The following CCDC57 variants were observed in gnomAD, a reference collection of about 807,000 sequenced individuals.
The protein encoded by CCDC57 is coiled-coil domain-containing protein 57.
A neutral mutation model predicts 118.9 loss-of-function variants in CCDC57; 118 were observed. The ratio of observed to expected loss-of-function variants is 0.99; its 90% confidence interval spans 0.86 to 1.16. The LOEUF is 1.16. CCDC57 is among the 50% of genes most tolerant of loss of function. CCDC57 has a pLI of 0.00. For missense variants in CCDC57, 1,300 were observed against 1,320.7 expected (o/e 0.98, Z 0.24); for synonymous variants, 527 against 532.9 (o/e 0.99, Z 0.15).
At chr17:82,206,038 G>A (rs2049586822) in intron 2 of CCDC57, among the ~76,000 whole-genome samples, 1 of 149,092 alleles carries the variant, frequency 6.7e-6, no homozygotes, top group Non-Finnish European at 1.5e-5. Context: ...GCCAGCAGGC[G>A]TCCCCAGCAA....
chr17:82,127,040 C>T, intron 19 of CCDC57: 11 of 985,428 alleles, frequency 1.1e-5, no homozygotes, highest in Non-Finnish European at 1.3e-5. Flanking sequence ...CCCATGCAGT[C>T]CTCACAAGGT....
intron 10 of CCDC57, 99 bp from the exon 10 acceptor site, chr17:82,178,704 G>C: frequency 5.4e-6 from 8 of 1,493,412 alleles, no homozygotes; most frequent in Non-Finnish European, 7.2e-6. Context: ...GATGCTCAGA[G>C]CACCAGGCTC....
In CCDC57 at chr17:82,172,942, C is replaced by T. The variant is rs376253387; in HGVS notation, c.1507-82G>A. On this transcript the variant is annotated intron_variant, in intron 11 of 19. Coordinates refer to ENST00000665763, the Ensembl canonical transcript of CCDC57. This position sits in a 1 kb window ranked among gnomAD's most constrained non-coding sequence, Gnocchi z 5.2. ...TGACAGGCTGTGCCTCCGCTCTCCC[C>T]GCGCCCCTCTCGGGCCGGTCCCCCG... 5.2e-5 allele frequency: 69 copies of T among 1,318,246 alleles called. No homozygotes were observed. The highest frequency in any genetic ancestry group is 1.5e-4 in the African/African-American group (10 of 68,818). 81.7% of individuals were successfully genotyped at this position (1,318,246 alleles called of 1,614,324 possible).
At chr17:82,107,368 C>CGGGAGTGGGGAGTGGGGAGTG in intron 19 of CCDC57, 1 of 452,132 alleles carries the variant, frequency 2.2e-6, no homozygotes, top group South Asian at 1.6e-5. Context: ...ACAGATGCCG[C>CGGGAGTGGGGAGTGGGGAGTG]GGGAGTGGGG....
chr17:82,102,567 A>G (rs1307484024), intron 19 of CCDC57, among the ~76,000 whole-genome samples: 1 of 152,026 alleles, frequency 6.6e-6, no homozygotes, highest in Non-Finnish European at 1.5e-5. Flanking sequence ...TTTTGGTAAA[A>G]CAACAGCAAA....
rs750531029 is a variant in CCDC57 at position 82,193,987 on chromosome 17, G to T, written c.771C>A (p.Arg257=). 6 of 1,609,570 alleles carry T rather than the reference G, an allele frequency of 3.7e-6. No individual in the cohort carries two copies. The Admixed American group carries it at 1.0e-4, about 27-fold the overall frequency. Residue 257 remains arginine, a synonymous_variant, in exon 6 of 20, where the codon CGC becomes CGA. Coordinates refer to ENST00000665763, the Ensembl canonical transcript of CCDC57. ...GAGATGAAGGACTCGCGCACCGGGC[G>T]CGGCTCATGGCCTCCAGGTCCTGGA...
At chr17:82,199,093 G>C (rs1324767942) in intron 3 of CCDC57, among the ~76,000 whole-genome samples, 1 of 151,964 alleles carries the variant, frequency 6.6e-6, no homozygotes, top group African/African-American at 2.4e-5. Context: ...ACAGACGCTG[G>C]AATTCTTCAA....
Position 82,178,451 on chromosome 17 carries a change from A to G in CCDC57, c.1506+23T>C, listed in dbSNP as rs2045798207. 8.3e-6 allele frequency: 13 copies of G among 1,572,222 alleles called. No individual in the cohort carries two copies. The East Asian group carries it at 3.0e-4, about 36-fold the overall frequency. Reference sequence around the variant, plus strand: ...ACCGCTGCTGTTGAGCAAAGTTTCAAAGAGCCGACTGGGTACTCTCACCTG... The same window carrying G: ...ACCGCTGCTGTTGAGCAAAGTTTCAGAGAGCCGACTGGGTACTCTCACCTG... On this transcript the variant is annotated intron_variant, in intron 11 of 19. Transcript: ENST00000665763.
At chr17:82,136,402 G>A (rs1307619496) in intron 16 of CCDC57, among the ~76,000 whole-genome samples, 1 of 152,140 alleles carries the variant, frequency 6.6e-6, no homozygotes, top group Non-Finnish European at 1.5e-5. Context: ...GGCAGAATGT[G>A]GGTGCTGGGC....
chr17:82,143,491 CA>C (rs2040301235), intron 16 of CCDC57, among the ~76,000 whole-genome samples: 1 of 137,546 alleles, frequency 7.3e-6, no homozygotes, highest in Admixed American at 7.5e-5. Context: ...CAGGCACACA[CA>C]CACACCCCAC....
At chr17:82,166,863 C>T (rs2044050978) in intron 13 of CCDC57, among the ~76,000 whole-genome samples, 3 of 152,048 alleles carry the variant, frequency 2.0e-5, no homozygotes, top group Admixed American at 2.0e-4. Flanking sequence ...CTGCAGTGAG[C>T]TATGACCATA....
intron 19 of CCDC57, among the ~76,000 whole-genome samples, chr17:82,114,520 G>T (rs181643911): frequency 1.3e-5 from 2 of 152,232 alleles, no homozygotes; most frequent in East Asian, 3.9e-4. Context: ...AAAAGCACAG[G>T]ACCCCAGGCA....
chr17:82,122,624 G>A, intron 19 of CCDC57, among the ~76,000 whole-genome samples: 1 of 152,242 alleles, frequency 6.6e-6, no homozygotes, highest in African/African-American at 2.4e-5. Flanking sequence ...GGAGCCTCCT[G>A]TCTCCCGCCA....
chr17:82,144,616 T>G (rs1286394976), intron 16 of CCDC57, among the ~76,000 whole-genome samples: 2 of 152,216 alleles, frequency 1.3e-5, no homozygotes. Context: ...GGAGCAGGCC[T>G]GGGAAGAGCT....
intron 16 of CCDC57, among the ~76,000 whole-genome samples, chr17:82,149,830 C>T (rs180720927): frequency 0.013 from 1,914 of 147,190 alleles, 11 homozygotes; most frequent in South Asian, 0.03. Context: ...CAGAACCAGG[C>T]GCACACCCAG....
chr17:82,182,830 C>T (rs564242271), intron 9 of CCDC57, among the ~76,000 whole-genome samples: 19 of 151,632 alleles, frequency 1.3e-4, no homozygotes, highest in East Asian at 3.9e-4. Context: ...GGACTACAGG[C>T]GTGAGCCACC....
chr17:82,101,921 G>C, intron 19 of CCDC57, 55 bp from the exon 19 acceptor site: 7 of 1,477,514 alleles, frequency 4.7e-6, no homozygotes, highest in Non-Finnish European at 6.3e-6. Flanking sequence ...GGGAGCAGGA[G>C]GCTGTGCTCA....
In CCDC57 at chr17:82,172,823, TCTTTA is replaced by T; in HGVS notation, c.1539_1543del (p.Ser513ArgfsTer6). On this transcript the variant is annotated frameshift_variant, in exon 12 of 20. Transcript: ENST00000665763. LOFTEE classifies it high-confidence loss of function. The surrounding 1 kb of genome is among the most constrained non-coding windows in gnomAD (Gnocchi z 5.2). ...CCGCTGGATCTCACTGGATGGAAAG[TCTTTA>T]CTTATTTCTTCTTCATGCTGCCTGA... is the stretch of plus-strand genomic sequence containing the variant. 6.2e-7 allele frequency: 1 copy of T among 1,613,272 alleles called. No homozygotes were observed. The highest frequency in any genetic ancestry group is 2.2e-5 in the East Asian group (1 of 44,890).
chr17:82,181,008 C>G (rs1021714022), intron 9 of CCDC57, among the ~76,000 whole-genome samples: 1 of 152,212 alleles, frequency 6.6e-6, no homozygotes, highest in Non-Finnish European at 1.5e-5. Context: ...TCTCCACAGG[C>G]CATTCCGGAT....
Sources: allele counts gnomAD v4.1 joint callset (sites outside exome capture counted in the v4.1 genomes callset), GRCh38; gene constraint gnomAD v4.1.1; non-coding constraint Gnocchi (gnomAD v3.1); transcripts MANE v1.5; gene names NCBI Gene and HGNC (gene_info 2026-07-23, HGNC 2026-07-21).